DNAH12: variants seen among roughly 807,000 people sequenced by gnomAD.
The protein encoded by DNAH12 is axonemal beta dynein heavy chain 12.
In DNAH12, 285 loss-of-function variants were observed where a neutral mutation model predicts 371.5. The ratio of observed to expected loss-of-function variants is 0.77; its 90% CI spans 0.70 to 0.85. The LOEUF (loss-of-function observed/expected upper bound fraction) is 0.85. Among genes scored for constraint, DNAH12 ranks in the 40% least tolerant of loss-of-function variants. The probability of loss-of-function intolerance (pLI) is 0.00; values close to 1 mark genes in which losing one functional copy is unlikely to be tolerated. For synonymous variants in DNAH12, 1,200 were observed against 1,213.0 expected, an observed-to-expected ratio of 0.99 and a Z score of 0.22; for missense variants, 3,611 against 3,689.4, an observed-to-expected ratio of 0.98 and a Z score of 0.55.
intron 25 of DNAH12, among the ~76,000 whole-genome samples, chr3:57,447,645 T>TA (rs2065556758): frequency 6.6e-6 from 1 of 151,672 alleles, no homozygotes; most frequent in Admixed American, 6.6e-5. Context: ...ACAGCTAGTG[T>TA]AAAAAATGCA....
At chr3:57,525,226 T>C (rs942534907) in intron 2 of DNAH12, among the ~76,000 whole-genome samples, 3 of 150,220 alleles carry the variant, frequency 2.0e-5, no homozygotes, top group Non-Finnish European at 4.4e-5. Flanking sequence ...CAAAGACTGG[T>C]AAGTAGCATA....
At chr3:57,302,906 T>C (rs2061391173) in intron 69 of DNAH12, among the ~76,000 whole-genome samples, 1 of 151,742 alleles carries the variant, frequency 6.6e-6, no homozygotes, top group Non-Finnish European at 1.5e-5. Flanking sequence ...AAGATGTGAC[T>C]ACACATAGGT....
At chr3:57,313,012 T>G (rs1195556437) in intron 66 of DNAH12, among the ~76,000 whole-genome samples, 1 of 152,210 alleles carries the variant, frequency 6.6e-6, no homozygotes, top group Non-Finnish European at 1.5e-5. Context: ...ACCAATTAAT[T>G]AGACTTTATC....
intron 69 of DNAH12, among the ~76,000 whole-genome samples, chr3:57,308,159 C>T (rs1463791620): frequency 6.6e-6 from 1 of 152,150 alleles, no homozygotes; most frequent in African/African-American, 2.4e-5. Context: ...TCTGGGTAGA[C>T]ACTTTCACTG....
chr3:57,428,846 C>T, intron 33 of DNAH12, 25 bp from the exon 34 acceptor site: 1 of 1,502,816 alleles, frequency 6.7e-7, no homozygotes, highest in Non-Finnish European at 8.9e-7. Context: ...CAACTTTTTG[C>T]ACTGTTGTTT....
chr3:57,422,526 G>C (rs1040199645), intron 35 of DNAH12, among the ~76,000 whole-genome samples: 3 of 152,100 alleles, frequency 2.0e-5, no homozygotes, highest in African/African-American at 7.2e-5. Flanking sequence ...ATACTGGCTG[G>C]GTACAGTGGT....
At chr3:57,471,768 A>T (rs796861824) in intron 14 of DNAH12, among the ~76,000 whole-genome samples, 162 bp from the exon 15 acceptor site, 14 of 152,338 alleles carry the variant, frequency 9.2e-5, no homozygotes, top group African/African-American at 3.4e-4. Flanking sequence ...TGCAAAGAAT[A>T]AACCACACAG....
chr3:57,485,980 G>A (rs908616965), intron 12 of DNAH12, among the ~76,000 whole-genome samples: 12 of 151,936 alleles, frequency 7.9e-5, no homozygotes, highest in Non-Finnish European at 5.9e-5. Context: ...AGCACTTTGG[G>A]AGGTCCAGGA....
intron 49 of DNAH12, among the ~76,000 whole-genome samples, chr3:57,383,342 C>T (rs1434674479): frequency 2.0e-5 from 3 of 152,094 alleles, no homozygotes; most frequent in Non-Finnish European, 2.9e-5. Context: ...GCAACAGACT[C>T]TCAATGAAAG....
At chr3:57,302,567 A>ATATATATTTTTTT (rs2061380979) in intron 69 of DNAH12, among the ~76,000 whole-genome samples, 2 of 27,480 alleles carry the variant, frequency 7.3e-5, no homozygotes, top group Non-Finnish European at 1.3e-4. Context: ...ATATATATGT[A>ATATATATTTTTTT]TTTTTTTTTT....
chr3:57,530,309 C>G, intron 2 of DNAH12: 1 of 380,832 alleles, frequency 2.6e-6, no homozygotes, highest in Non-Finnish European at 4.9e-6. Flanking sequence ...CAATAAACAC[C>G]TTTATTACAT....
Position 57,441,999 on chromosome 3 carries a change from G to T in DNAH12, c.4545+2698C>A, listed in dbSNP as rs141024677. Among the ~76,000 whole-genome samples, 14 of 152,260 alleles carry T rather than the reference G, an allele frequency of 9.2e-5. No individual in the cohort carries two copies. In the East Asian group the frequency reaches 2.5e-3, roughly 27 times the overall value. ...CTGACTTCTAAGCACAACACTGAAAGGCAGCAGTCTATGAAATAACATCTT... is the reference window on the plus strand; with the variant it reads ...CTGACTTCTAAGCACAACACTGAAATGCAGCAGTCTATGAAATAACATCTT... On this transcript the variant is annotated intron_variant, in intron 29 of 73. Transcript: ENST00000495027.
intron 70 of DNAH12, among the ~76,000 whole-genome samples, chr3:57,299,033 G>T (rs1480696699): frequency 2.0e-5 from 3 of 152,170 alleles, no homozygotes; most frequent in African/African-American, 7.2e-5. Context: ...TTGCTCCATA[G>T]GAGGAAGAGA....
intron 17 of DNAH12, among the ~76,000 whole-genome samples, chr3:57,463,816 G>A (rs1393510660): frequency 6.6e-6 from 1 of 152,044 alleles, no homozygotes; most frequent in African/African-American, 2.4e-5. Context: ...CCCCCAGGCT[G>A]GAGTGCAGTG....
intron 62 of DNAH12, among the ~76,000 whole-genome samples, chr3:57,325,901 A>T (rs1170601981): frequency 1.3e-5 from 2 of 152,250 alleles, no homozygotes; most frequent in African/African-American, 2.4e-5. Flanking sequence ...AAGCCAAGGC[A>T]CGAGAACTAT....
At chr3:57,490,879 A>C (rs1163374945) in intron 11 of DNAH12, among the ~76,000 whole-genome samples, 1 of 152,106 alleles carries the variant, frequency 6.6e-6, no homozygotes, top group Non-Finnish European at 1.5e-5. Context: ...ACCTGAGGGC[A>C]GGAGTTCAAG....
chr3:57,546,772 C>T (rs1285633785), upstream of DNAH12, among the ~76,000 whole-genome samples: 1 of 152,160 alleles, frequency 6.6e-6, no homozygotes, highest in Non-Finnish European at 1.5e-5. Context: ...GAGATTACAG[C>T]TCAATTCAAG....
chr3:57,301,604 A>G, intron 70 of DNAH12, 131 bp downstream of exon 70: 7 of 1,036,192 alleles, frequency 6.8e-6, no homozygotes, highest in Non-Finnish European at 9.7e-6. Context: ...CCAACAACTA[A>G]TATCTCCCCA....
At position 57,352,101 on chromosome 3, in the gene DNAH12, A is replaced by C; in HGVS notation, c.9658T>G (p.Cys3220Gly). The change falls in exon 60 of 74, where the codon TGT (cysteine) becomes GGT (glycine). Residue 3220 changes from cysteine to glycine, a missense_variant. Around this residue, in one of 3 missense-constraint regions of DNAH12, gnomAD observed 2,266 missense variants for 2,236.9 expected, o/e 1.01. Transcript: ENST00000495027. ...KDKLLFSFLL[C>G]ANLLLARKEI... ...GTAACTTACAGAAGAAGATTGGCAC[A>C]TAATAAAAAGGAAAATAACAGCTTG... 6.6e-7 allele frequency: 1 copy of C among 1,521,204 alleles called. No individual in the cohort carries two copies. Among genetic ancestry groups the C allele is most frequent in the Non-Finnish European group, 8.8e-7 (1 of 1,139,388 alleles). 94.2% of individuals were successfully genotyped at this position (1,521,204 alleles called of 1,614,324 possible).
Sources: allele counts gnomAD v4.1 joint callset (sites outside exome capture counted in the v4.1 genomes callset), GRCh38; gene constraint gnomAD v4.1.1; regional missense constraint gnomAD v4.1.1; transcripts MANE v1.5; gene names NCBI Gene and HGNC (gene_info 2026-07-23, HGNC 2026-07-21).